AGBL4: variants seen among roughly 807,000 people sequenced by gnomAD.
AGBL4 encodes the protein AGBL carboxypeptidase 4.
AGBL4 carries 58 observed loss-of-function variants against 66.4 expected under a neutral mutation model. The ratio of observed to expected loss-of-function variants is 0.87; its 90% CI spans 0.71 to 1.09. The LOEUF (loss-of-function observed/expected upper bound fraction) is 1.09, where lower values mean the gene tolerates loss of function less well. Ranked by LOEUF, AGBL4 falls within the 50% of genes least tolerant of loss-of-function variation. The pLI is 0.00. For synonymous variants in AGBL4, 234 were observed against 222.9 expected (o/e 1.05, Z -0.44); for missense variants, 579 against 631.0 (o/e 0.92, Z 0.88).
chr1:48,787,860 T>C (rs1018480597), intron 6 of AGBL4, among the ~76,000 whole-genome samples: 1 of 152,200 alleles, frequency 6.6e-6, no homozygotes, highest in Non-Finnish European at 1.5e-5. Flanking sequence ...TCTCAACTGG[T>C]AGGTCTAGTA....
intron 3 of AGBL4, among the ~76,000 whole-genome samples, chr1:49,492,631 G>A (rs964052888): frequency 3.9e-5 from 6 of 151,956 alleles, no homozygotes; most frequent in African/African-American, 1.2e-4. Context: ...ATATTTGTAT[G>A]AGTGATAAGT....
chr1:48,534,779 T>C (rs1476358243), intron 13 of AGBL4, 111 bp downstream of exon 13: 7 of 1,161,900 alleles, frequency 6.0e-6, no homozygotes, highest in Non-Finnish European at 8.6e-6. Context: ...TCCACATTCA[T>C]TGAAGAGCCT....
intron 6 of AGBL4, among the ~76,000 whole-genome samples, chr1:48,705,282 A>G (rs1433252875): frequency 2.0e-5 from 3 of 152,268 alleles, no homozygotes; most frequent in African/African-American, 7.2e-5. Flanking sequence ...GAGAAAGTAT[A>G]CAATTGGGTG....
Position 49,545,782 on chromosome 1 carries a change from A to C in AGBL4, c.282+151531T>G, listed in dbSNP as rs922078534. ...TACAACTATGTCTACTATCAAATAAAAGCAAATACTATTTGAAACCTCAAA... is the reference window on the plus strand; with the variant it reads ...TACAACTATGTCTACTATCAAATAACAGCAAATACTATTTGAAACCTCAAA... On this transcript the variant is annotated intron_variant, in intron 3 of 13. Transcript: ENST00000371839. 5.3e-5 allele frequency among the ~76,000 whole-genome samples: 8 copies of C among 152,358 alleles called. No individual in the cohort carries two copies. The East Asian group carries it at 1.5e-3, about 29-fold the overall frequency.
intron 11 of AGBL4, among the ~76,000 whole-genome samples, chr1:48,579,837 GA>G (rs1179780252): frequency 6.8e-6 from 1 of 146,698 alleles, no homozygotes; most frequent in Admixed American, 6.9e-5. Context: ...AGAATGGCAT[GA>G]ACCTGGGAGG....
intron 4 of AGBL4, among the ~76,000 whole-genome samples, chr1:49,228,569 C>G (rs1245058762): frequency 6.6e-6 from 1 of 152,146 alleles, no homozygotes; most frequent in East Asian, 1.9e-4. Flanking sequence ...AGTGCAAAGG[C>G]CATAAGGCAG....
intron 5 of AGBL4, among the ~76,000 whole-genome samples, chr1:48,994,960 GAAAGAAAATACAAAATTTC>G (rs1271949136): frequency 6.6e-6 from 1 of 152,108 alleles, no homozygotes; most frequent in Non-Finnish European, 1.5e-5. Flanking sequence ...AAAAGAAGTT[GAAAGAAAATACAAAATTTC>G]AAACACAATT....
intron 3 of AGBL4, among the ~76,000 whole-genome samples, chr1:49,549,277 T>C (rs867850193): frequency 2.0e-5 from 3 of 151,928 alleles, no homozygotes; most frequent in African/African-American, 7.2e-5. Context: ...TTCAATTTCA[T>C]TTAGTTCTGC....
intron 11 of AGBL4, among the ~76,000 whole-genome samples, chr1:48,563,987 C>A (rs1421431662): frequency 1.3e-5 from 2 of 152,194 alleles, no homozygotes; most frequent in Non-Finnish European, 2.9e-5. Flanking sequence ...TGTGTACCTT[C>A]TCCTGTAAAC....
At chr1:48,814,491 A>C (rs1040941278) in intron 6 of AGBL4, among the ~76,000 whole-genome samples, 1 of 152,080 alleles carries the variant, frequency 6.6e-6, no homozygotes, top group African/African-American at 2.4e-5. Flanking sequence ...CTGAAATTAT[A>C]TAACTATTAT....
chr1:49,921,423 A>C (rs1652234129), intron 1 of AGBL4, among the ~76,000 whole-genome samples: 1 of 152,150 alleles, frequency 6.6e-6, no homozygotes, highest in African/African-American at 2.4e-5. Context: ...AAATATATCT[A>C]AGTATTAGGG....
At chr1:49,842,612 G>A (rs544590931) in intron 2 of AGBL4, among the ~76,000 whole-genome samples, 1 of 152,248 alleles carries the variant, frequency 6.6e-6, no homozygotes, top group Non-Finnish European at 1.5e-5. Flanking sequence ...TCTTGGTGAG[G>A]GAGTGGGGGA....
At chr1:48,727,301 G>T (rs1261665960) in intron 6 of AGBL4, among the ~76,000 whole-genome samples, 2 of 152,160 alleles carry the variant, frequency 1.3e-5, no homozygotes, top group African/African-American at 4.8e-5. Context: ...GAGTGAGAAA[G>T]GTGACTGGTC....
At chr1:48,560,998 G>A (rs1316376960) in intron 11 of AGBL4, among the ~76,000 whole-genome samples, 2 of 152,132 alleles carry the variant, frequency 1.3e-5, no homozygotes, top group Non-Finnish European at 2.9e-5. Flanking sequence ...CCTCCATAGT[G>A]ACCCTGCACC....
intron 4 of AGBL4, among the ~76,000 whole-genome samples, chr1:49,055,755 T>C (rs986580008): frequency 3.9e-5 from 6 of 152,186 alleles, no homozygotes; most frequent in African/African-American, 1.2e-4. Flanking sequence ...TTTGCTTTAA[T>C]GTACATGAAT....
At chr1:49,176,044 T>C (rs1646825102) in intron 4 of AGBL4, among the ~76,000 whole-genome samples, 1 of 152,132 alleles carries the variant, frequency 6.6e-6, no homozygotes, top group Admixed American at 6.6e-5. Flanking sequence ...CATAGTGTCA[T>C]GAAGGAGAAA....
At chr1:48,563,584 A>C (rs976390434) in intron 11 of AGBL4, among the ~76,000 whole-genome samples, 1 of 152,202 alleles carries the variant, frequency 6.6e-6, no homozygotes, top group Non-Finnish European at 1.5e-5. Context: ...ACACAAAGAC[A>C]AATTCTCAGA....
At chr1:49,832,312 C>T (rs1165679340) in intron 2 of AGBL4, among the ~76,000 whole-genome samples, 25 of 151,046 alleles carry the variant, frequency 1.7e-4, no homozygotes, top group South Asian at 8.5e-4. Context: ...CATGTCCCTA[C>T]AAAGGACATG....
intron 2 of AGBL4, among the ~76,000 whole-genome samples, chr1:49,735,640 G>A (rs1469996152): frequency 6.6e-6 from 1 of 151,902 alleles, no homozygotes; most frequent in East Asian, 1.9e-4. Context: ...TAACTAAAAT[G>A]GACTACACAC....
Sources: allele counts gnomAD v4.1 joint callset (sites outside exome capture counted in the v4.1 genomes callset), GRCh38; gene constraint gnomAD v4.1.1; transcripts MANE v1.5; gene names NCBI Gene and HGNC (gene_info 2026-07-23, HGNC 2026-07-21).